Variants in HHAT observed in about 807,000 individuals in gnomAD.
HHAT encodes the protein protein-cysteine N-palmitoyltransferase HHAT.
In HHAT, 47 loss-of-function variants were observed where a neutral mutation model predicts 70.8. The ratio of observed to expected loss-of-function variants is 0.66; its 90% CI spans 0.53 to 0.85. The LOEUF (loss-of-function observed/expected upper bound fraction) is 0.85. HHAT is among the 40% of genes least tolerant of loss of function. HHAT has a pLI of 0.00. For missense variants in HHAT, 609 were observed against 604.8 expected (o/e 1.01, Z -0.07); for synonymous variants, 228 against 247.6 (o/e 0.92, Z 0.74).
At chr1:210,364,497 A>G (rs1357466616) in intron 3 of HHAT, among the ~76,000 whole-genome samples, 2 of 152,246 alleles carry the variant, frequency 1.3e-5, no homozygotes, top group Non-Finnish European at 2.9e-5. Flanking sequence ...TTGCCAAGGC[A>G]AAAATAAGCA....
chr1:210,544,367 G>GTTTTTTTTTTTTTTTTTTTTT (rs569514246), intron 9 of HHAT, among the ~76,000 whole-genome samples: 3 of 90,068 alleles, frequency 3.3e-5, no homozygotes, highest in African/African-American at 1.3e-4. Context: ...TCTTTCTTTC[G>GTTTTTTTTTTTTTTTTTTTTT]TTTTTTTTTT....
At chr1:210,509,689 T>A (rs2094921793) in intron 8 of HHAT, among the ~76,000 whole-genome samples, 1 of 152,184 alleles carries the variant, frequency 6.6e-6, no homozygotes, top group African/African-American at 2.4e-5. Flanking sequence ...ACATCCCCCC[T>A]TCTCCACTCT....
upstream of HHAT, chr1:210,328,803 C>T (rs1053152616): frequency 1.6e-5 from 6 of 372,192 alleles, no homozygotes; most frequent in South Asian, 2.9e-4. Flanking sequence ...GGTTCAGAAA[C>T]GCAGGCCGCG....
intron 10 of HHAT, among the ~76,000 whole-genome samples, chr1:210,602,855 G>T (rs904032478): frequency 1.3e-5 from 2 of 152,068 alleles, no homozygotes; most frequent in Admixed American, 6.5e-5. Flanking sequence ...TATGCAATTC[G>T]CTGGTTACAC....
chr1:210,669,546 A>C (rs892751926), intron 11 of HHAT, among the ~76,000 whole-genome samples: 1 of 152,236 alleles, frequency 6.6e-6, no homozygotes, highest in African/African-American at 2.4e-5. Flanking sequence ...ATATCTGTCA[A>C]ATAATCTGTC....
intron 9 of HHAT, among the ~76,000 whole-genome samples, chr1:210,569,009 C>T (rs1655456366): frequency 6.6e-6 from 1 of 152,106 alleles, no homozygotes. Flanking sequence ...GGACACCTAG[C>T]TCATGTCACT....
Position 210,674,570 on chromosome 1 carries a change from T to C in HHAT, c.*191T>C, listed in dbSNP as rs1680836212. On this transcript the variant is annotated 3_prime_UTR_variant, in exon 12 of 12. Coordinates refer to ENST00000261458, the MANE Select transcript of HHAT (RefSeq NM_018194.6). The stretch of plus-strand genomic sequence containing the variant: ...AGACAATCTTCTAATCTGGAGTCTT[T>C]GAGATCTTCTACCCCAACTCATCAT... 2 of 568,696 alleles carry C rather than the reference T, an allele frequency of 3.5e-6. No individual in the cohort carries two copies. Among genetic ancestry groups the C allele is most frequent in the East Asian group, 5.8e-5 (2 of 34,502 alleles). The allele number at this position is 568,696 out of a possible 1,614,324, so 35.2% of individuals were successfully genotyped here.
At chr1:210,480,512 T>A (rs1236731308) in intron 8 of HHAT, among the ~76,000 whole-genome samples, 2 of 152,198 alleles carry the variant, frequency 1.3e-5, no homozygotes, top group Non-Finnish European at 2.9e-5. Flanking sequence ...CATGGGCAAC[T>A]CTATGGAGCT....
At chr1:210,462,251 A>G (rs541523539) in intron 7 of HHAT, 71 of 152,372 alleles carry the variant, frequency 4.7e-4, no homozygotes, top group African/African-American at 1.4e-3. Flanking sequence ...TTAACCATGC[A>G]TAGTCTTCCA....
At chr1:210,422,327 ACT>A (rs1267362409) in intron 7 of HHAT, among the ~76,000 whole-genome samples, 1 of 152,138 alleles carries the variant, frequency 6.6e-6, no homozygotes, top group Non-Finnish European at 1.5e-5. Flanking sequence ...TATATTATTA[ACT>A]CTAGTCATCC....
At chr1:210,421,633 C>T (rs968239986) in intron 7 of HHAT, among the ~76,000 whole-genome samples, 20 of 151,978 alleles carry the variant, frequency 1.3e-4, no homozygotes, top group East Asian at 7.7e-4. Flanking sequence ...TTAGTAGAGA[C>T]GGGGTTTCAC....
chr1:210,637,870 A>AGGG (rs1672181948), intron 11 of HHAT, among the ~76,000 whole-genome samples: 1 of 129,006 alleles, frequency 7.8e-6, no homozygotes, highest in African/African-American at 2.8e-5. Flanking sequence ...AAAAAAAAAA[A>AGGG]AGGGGGGGGC....
intron 11 of HHAT, among the ~76,000 whole-genome samples, chr1:210,656,920 G>A (rs941554004): frequency 3.9e-5 from 6 of 152,166 alleles, no homozygotes; most frequent in African/African-American, 7.2e-5. Flanking sequence ...TGTGGACAGC[G>A]CCACCACTGT....
chr1:210,348,920 C>T lies in HHAT; in HGVS notation c.-43-13C>T. ...TCATGTTCATGGCTTAAAGTTTTGT[C>T]TCTGTTTCTCAGAAACTCTCAGCGT... On this transcript the variant is annotated splice_polypyrimidine_tract_variant and intron_variant, in intron 1 of 11. Coordinates refer to ENST00000261458, the MANE Select transcript of HHAT (RefSeq NM_018194.6). The T allele has an allele frequency of 6.3e-7, 1 of 1,599,268 alleles. No homozygotes were observed. The highest frequency in any genetic ancestry group is 8.5e-7 in the Non-Finnish European group (1 of 1,175,086).
intron 9 of HHAT, among the ~76,000 whole-genome samples, chr1:210,536,058 T>A (rs1309524340): frequency 6.6e-6 from 1 of 152,250 alleles, no homozygotes. Flanking sequence ...AGAGTGCTAA[T>A]GACCAACTGA....
At chr1:210,514,985 C>T (rs2095030115) in intron 9 of HHAT, among the ~76,000 whole-genome samples, 1 of 152,218 alleles carries the variant, frequency 6.6e-6, no homozygotes, top group African/African-American at 2.4e-5. Flanking sequence ...TCAAGTGTCT[C>T]TAATGTGACT....
At position 210,587,998 on chromosome 1, in the gene HHAT, T is replaced by C. The variant is rs1210658100; in HGVS notation, c.1144T>C (p.Tyr382His). 1 of 1,614,124 alleles carries C rather than the reference T, an allele frequency of 6.2e-7. No individual in the cohort carries two copies. The highest frequency in any genetic ancestry group is 8.5e-7 in the Non-Finnish European group (1 of 1,180,022). The change falls in exon 10 of 12, where the codon TAC becomes CAC. Residue 382 changes from tyrosine (Y) to histidine (H), a missense_variant. Physicochemically the swap from Tyr to His is moderately conservative, Grantham distance 83 (BLOSUM62 2). Transcript: ENST00000261458. ...FAFVSYWHGG[Y>H]DYLWCWAALN... is the part of the protein sequence containing the mutation. ...ATTTGTGAGCTACTGGCATGGCGGC[T>C]ACGACTACCTCTGGTGCTGGGCAGC...
At chr1:210,625,372 CTCTGATTTTCGCT>C (rs1290540841) in intron 11 of HHAT, among the ~76,000 whole-genome samples, 1 of 152,108 alleles carries the variant, frequency 6.6e-6, no homozygotes, top group Admixed American at 6.6e-5. Flanking sequence ...AATGAGGAGG[CTCTGATTTTCGCT>C]TCCCTAAATC....
At chr1:210,514,581 T>C (rs1006324656) in intron 9 of HHAT, among the ~76,000 whole-genome samples, 1 of 152,196 alleles carries the variant, frequency 6.6e-6, no homozygotes, top group African/African-American at 2.4e-5. Flanking sequence ...TTTTTTCTAG[T>C]AAATTTATTG....
Sources: allele counts gnomAD v4.1 joint callset (sites outside exome capture counted in the v4.1 genomes callset), GRCh38; gene constraint gnomAD v4.1.1; transcripts MANE v1.5; gene names NCBI Gene and HGNC (gene_info 2026-07-23, HGNC 2026-07-21).